Variants in CCNC observed in about 807,000 individuals in gnomAD.
CCNC encodes cyclin-C.
Under a neutral mutation model 50.0 loss-of-function variants are expected in CCNC, and 19 were observed. The observed-to-expected ratio is 0.38, with a 90% CI of 0.27 to 0.56. The LOEUF (loss-of-function observed/expected upper bound fraction) is 0.56, where lower values mean the gene tolerates loss of function less well. Among genes scored for constraint, CCNC ranks in the 20% least tolerant of loss-of-function variants. The probability of loss-of-function intolerance (pLI) is 0.72; values close to 1 mark genes in which losing one functional copy is unlikely to be tolerated. For missense variants in CCNC, 200 were observed against 327.1 expected, an observed-to-expected ratio of 0.61 and a Z score of 3.00; for synonymous variants, 93 against 103.7, an observed-to-expected ratio of 0.90 and a Z score of 0.63.
chr6:99,562,749 T>G (rs541668073), intron 2 of CCNC, 93 bp downstream of exon 2: 2 of 638,926 alleles, frequency 3.1e-6, no homozygotes, highest in Non-Finnish European at 5.3e-6. Context: ...ATGTTAGGTA[T>G]GCACTAAAAC....
chr6:99,558,302 T>A, intron 5 of CCNC, 195 bp downstream of exon 5: 1 of 658,908 alleles, frequency 1.5e-6, no homozygotes, highest in Non-Finnish European at 2.2e-6. Context: ...AAAAGTAATA[T>A]CTTTATATCT....
At chr6:99,555,410 T>G (rs1005449775) in intron 5 of CCNC, among the ~76,000 whole-genome samples, 9 of 150,314 alleles carry the variant, frequency 6.0e-5, no homozygotes, top group African/African-American at 2.2e-4. Flanking sequence ...CATCTTTTTC[T>G]ATGCAGCATA....
intron 1 of CCNC, among the ~76,000 whole-genome samples, chr6:99,565,079 T>C (rs330868): frequency 0.85 from 129,918 of 152,058 alleles, 56,160 homozygotes; most frequent in East Asian, 0.98. Flanking sequence ...CTTTAAAACA[T>C]AGAAAATTAA....
chr6:99,558,647 C>T, intron 4 of CCNC, 99 bp from the exon 5 acceptor site: 1 of 1,070,592 alleles, frequency 9.3e-7, no homozygotes, highest in Non-Finnish European at 1.3e-6. Context: ...ACAATCTGTT[C>T]ACCTTCTAAC....
intron 10 of CCNC, 138 bp downstream of exon 10, chr6:99,546,257 T>A: frequency 1.6e-6 from 1 of 619,610 alleles, no homozygotes; most frequent in East Asian, 2.9e-5. Context: ...CAAACCACCA[T>A]GCCCAGCCCA....
In CCNC at chr6:99,558,543, A is replaced by G; in HGVS notation, c.300T>C (p.Phe100=). The G allele has an allele frequency of 6.3e-7, 1 of 1,597,130 alleles. No homozygotes were observed. The highest frequency in any genetic ancestry group is 8.5e-7 in the Non-Finnish European group (1 of 1,175,390). Residue 100 remains phenylalanine (F), a synonymous_variant, in exon 5 of 12, where the codon TTT becomes TTC. Transcript: ENST00000520429. ...CVFLASKVEE[F]GVVSNTRLIA... is the part of the protein sequence containing the mutation. ...TCAATCTTGTATTTGAAACTACTCC[A>G]AATTCCTAAAGAAAGAAAAGCAGGT...
At chr6:99,568,716 AC>A (rs1490007228), upstream of CCNC, 5 of 1,444,204 alleles carry the variant, frequency 3.5e-6, no homozygotes, top group East Asian at 1.3e-4. Flanking sequence ...ACAACACTCA[AC>A]TGTGCAAACC....
intron 5 of CCNC, chr6:99,558,288 C>T: frequency 1.7e-6 from 1 of 582,524 alleles, no homozygotes; most frequent in Non-Finnish European, 2.6e-6. Context: ...TCCATTTTAA[C>T]ATTAAAAGTA....
chr6:99,543,968 T>C (rs1174046550), intron 11 of CCNC: 57 of 1,209,748 alleles, frequency 4.7e-5, no homozygotes, highest in African/African-American at 8.0e-5. Flanking sequence ...AAATCTTACA[T>C]ATAAAATCCT....
intron 2 of CCNC, chr6:99,562,154 G>A (rs1219069796): frequency 6.6e-6 from 1 of 152,316 alleles, no homozygotes; most frequent in African/African-American, 2.4e-5. Flanking sequence ...CCACCTCCCA[G>A]GTTCAAGTGA....
chr6:99,543,324 G>C lies in CCNC; in HGVS notation c.*231C>G. 2.3e-6 allele frequency: 1 copy of C among 442,192 alleles called. No individual in the cohort carries two copies. Among genetic ancestry groups the C allele is most frequent in the Non-Finnish European group, 4.0e-6 (1 of 248,880 alleles). 27.4% of individuals were successfully genotyped at this position (442,192 alleles called of 1,614,324 possible). On this transcript the variant is annotated 3_prime_UTR_variant, in exon 12 of 12. Transcript: ENST00000520429. ...AATTTTGAAATGTCTATGTATGTCT[G>C]TCTGTAGGTCCCCTTAGAACCTTTC... is the stretch of plus-strand genomic sequence containing the variant.
intron 5 of CCNC, chr6:99,558,007 C>T (rs961686873): frequency 6.4e-6 from 1 of 155,938 alleles, no homozygotes; most frequent in African/African-American, 2.4e-5. Flanking sequence ...TTTAAGCCAC[C>T]TGTTCTGTGG....
chr6:99,545,483 T>C (rs1802034370), intron 10 of CCNC, among the ~76,000 whole-genome samples: 1 of 152,242 alleles, frequency 6.6e-6, no homozygotes, highest in African/African-American at 2.4e-5. Flanking sequence ...TGATGGTATC[T>C]TTTAAACTGA....
intron 10 of CCNC, among the ~76,000 whole-genome samples, 170 bp downstream of exon 10, chr6:99,546,225 C>A (rs1234616857): frequency 6.6e-6 from 1 of 152,204 alleles, no homozygotes; most frequent in Non-Finnish European, 1.5e-5. Flanking sequence ...CTAGGCCTCC[C>A]AAAGTGCTGG....
intron 8 of CCNC, 131 bp downstream of exon 8, chr6:99,550,087 G>A (rs1375003182): frequency 1.7e-6 from 1 of 586,170 alleles, no homozygotes; most frequent in South Asian, 2.8e-5. Flanking sequence ...TTCAACAAGT[G>A]GTATTTTGCT....
At chr6:99,548,165 G>T (rs1330490417) in intron 9 of CCNC, among the ~76,000 whole-genome samples, 1 of 152,104 alleles carries the variant, frequency 6.6e-6, no homozygotes, top group Non-Finnish European at 1.5e-5. Context: ...GCTAAATAAA[G>T]AGATTTAAAT....
At position 99,546,483 on chromosome 6, in the gene CCNC, A is replaced by G; in HGVS notation, c.599-9T>C. ...GGCTACATGTAGGCAAGCTGAAATGAAAATGAGAGACAACTGTCCATGTTT... is the reference window on the plus strand; with the variant it reads ...GGCTACATGTAGGCAAGCTGAAATGGAAATGAGAGACAACTGTCCATGTTT... On this transcript the variant is annotated splice_polypyrimidine_tract_variant and intron_variant, in intron 9 of 11. Coordinates refer to ENST00000520429, the MANE Select transcript of CCNC (RefSeq NM_005190.4). 6.3e-7 allele frequency: 1 copy of G among 1,578,920 alleles called. No homozygotes were observed. Among genetic ancestry groups the G allele is most frequent in the Non-Finnish European group, 8.7e-7 (1 of 1,148,372 alleles).
intron 9 of CCNC, among the ~76,000 whole-genome samples, chr6:99,547,791 T>C (rs1344645819): frequency 6.6e-6 from 1 of 152,158 alleles, no homozygotes; most frequent in Non-Finnish European, 1.5e-5. Context: ...AGACAGGCTC[T>C]CTGAGGATGG....
chr6:99,563,903 T>TA lies in CCNC; in HGVS notation c.33-956dup, dbSNP rs202142179. 5.9e-3 allele frequency among the ~76,000 whole-genome samples: 889 copies of TA among 151,622 alleles called. 5 individuals carry two copies. Among genetic ancestry groups the TA allele is most frequent in the African/African-American group, 0.013 (553 of 41,400 alleles). Reference sequence around the variant, plus strand: ...AAAATTAAGTAATTAATAGCTGGTATAAAAAAAAACTCTCTTCCTACTATT... The same window carrying TA: ...AAAATTAAGTAATTAATAGCTGGTATAAAAAAAAAACTCTCTTCCTACTATT... On this transcript the variant is annotated intron_variant, in intron 1 of 11. Transcript: ENST00000520429.
Sources: allele counts gnomAD v4.1 joint callset (sites outside exome capture counted in the v4.1 genomes callset), GRCh38; gene constraint gnomAD v4.1.1; transcripts MANE v1.5; gene names NCBI Gene and HGNC (gene_info 2026-07-23, HGNC 2026-07-21).